SEMA4D: variants seen among roughly 807,000 people sequenced by gnomAD.
SEMA4D encodes semaphorin-4D.
Under a neutral mutation model 74.8 loss-of-function variants are expected in SEMA4D, and 22 were observed. The ratio of observed to expected loss-of-function variants is 0.29; its 90% CI spans 0.21 to 0.42. The LOEUF is 0.42. Among genes scored for constraint, SEMA4D ranks in the 10% least tolerant of loss-of-function variants. The pLI is 1.00. For synonymous variants in SEMA4D, 445 were observed against 463.7 expected, an observed-to-expected ratio of 0.96 and a Z score of 0.52; for missense variants, 937 against 1,118.4, an observed-to-expected ratio of 0.84 and a Z score of 2.31.
intron 2 of SEMA4D, among the ~76,000 whole-genome samples, chr9:89,434,376 G>A (rs1047106140): frequency 8.5e-5 from 13 of 152,188 alleles, no homozygotes; most frequent in African/African-American, 1.9e-4. Context: ...TTGTCAAAAC[G>A]GTATGCAGGC....
In SEMA4D at chr9:89,405,587, C is replaced by T. The variant is rs1422083761; in HGVS notation, c.-131G>A. On this transcript the variant is annotated 5_prime_UTR_variant, in exon 3 of 16. Transcript: ENST00000422704. ...AGCAGCACAGCCTGGAGCTCGTGAA[C>T]AGCGCGGTCCCTGAGAATCCACATT... 4 of 1,464,790 alleles carry T rather than the reference C, an allele frequency of 2.7e-6. No homozygotes were observed. The African/African-American group carries it at 4.2e-5, about 16-fold the overall frequency. The allele number at this position is 1,464,790 out of a possible 1,614,324, so 90.7% of individuals were successfully genotyped here.
At position 89,387,239 on chromosome 9, in the gene SEMA4D, ATCT is replaced by A. The variant is rs1258374488; in HGVS notation, c.1330+144_1330+146del. 24 of 644,094 alleles carry A rather than the reference ATCT, an allele frequency of 3.7e-5. No individual in the cohort carries two copies. The East Asian group carries it at 6.5e-4, about 17-fold the overall frequency. 39.9% of individuals were successfully genotyped at this position (644,094 alleles called of 1,614,324 possible). On this transcript the variant is annotated intron_variant, in intron 12 of 15. Coordinates refer to ENST00000422704, the MANE Select transcript of SEMA4D (RefSeq NM_001371194.2). ...CACCTGGTGTGGTGACTTCTCAGAA[ATCT>A]TCTTACGCTCCCACAAACCTCCCAG...
chr9:89,423,795 C>T (rs557676298), intron 2 of SEMA4D, among the ~76,000 whole-genome samples: 2 of 133,880 alleles, frequency 1.5e-5, no homozygotes, highest in East Asian at 4.2e-4. Flanking sequence ...CAGTGCCTCC[C>T]CTCCCTCCAC....
At position 89,378,450 on chromosome 9, in the gene SEMA4D, T is replaced by C; in HGVS notation, c.*254A>G. On this transcript the variant is annotated 3_prime_UTR_variant, in exon 16 of 16. Transcript: ENST00000422704. ...GGAACTCCGTGCCGCCCGTGGGCCT[T>C]CTTCAAGTACTCCGACTGACTTCGG... 2.1e-6 allele frequency: 1 copy of C among 465,442 alleles called. No homozygotes were observed. Among genetic ancestry groups the C allele is most frequent in the Non-Finnish European group, 3.9e-6 (1 of 258,752 alleles). The allele number at this position is 465,442 out of a possible 1,614,324, so 28.8% of individuals were successfully genotyped here.
chr9:89,471,014 G>T (rs1372875448), intron 1 of SEMA4D, among the ~76,000 whole-genome samples: 1 of 152,312 alleles, frequency 6.6e-6, no homozygotes, highest in East Asian at 1.9e-4. Context: ...AATGCACACT[G>T]AGATAATCAT....
rs746296838 is a variant in SEMA4D, at chr9:89,363,973, CCT to C, written c.1883-25_1883-24del. ...GACCTGGGGACACAGACCGTTTCCA[CCT>C]CTGAGTCCACATTTAGGACCCAAAG... On this transcript the variant is annotated intron_variant, in intron 16 of 18. Coordinates refer to the SEMA4D transcript ENST00000339861. 30 of 1,614,012 alleles carry C rather than the reference CCT, an allele frequency of 1.9e-5. No homozygotes were observed. In the African/African-American group the frequency reaches 3.9e-4, roughly 21 times the overall value.
At chr9:89,435,292 T>A (rs1343761578) in intron 2 of SEMA4D, among the ~76,000 whole-genome samples, 2 of 152,248 alleles carry the variant, frequency 1.3e-5, no homozygotes, top group African/African-American at 4.8e-5. Flanking sequence ...GTACATTCCA[T>A]GGGAATCTTG....
intron 1 of SEMA4D, among the ~76,000 whole-genome samples, chr9:89,477,912 G>A (rs952368932): frequency 7.2e-5 from 11 of 152,084 alleles, no homozygotes; most frequent in Admixed American, 1.3e-4. Flanking sequence ...AGAAAAACTC[G>A]CATAAAAAAG....
rs1429509213 is a variant in SEMA4D at position 89,459,956 on chromosome 9, C to A, written c.-309-4003G>T. On this transcript the variant is annotated intron_variant, in intron 1 of 15. Transcript: ENST00000422704. The stretch of plus-strand genomic sequence containing the variant: ...AGAAAACAGCAGGAGGTAAGAAATC[C>A]CCTGCCCTCTGCGTTCCAGAAACAA... 2.0e-5 allele frequency among the ~76,000 whole-genome samples: 3 copies of A among 152,140 alleles called. No individual in the cohort carries two copies. In the East Asian group the frequency reaches 5.8e-4, roughly 29 times the overall value.
At chr9:89,441,319 C>T (rs1179226133) in intron 2 of SEMA4D, among the ~76,000 whole-genome samples, 4 of 152,258 alleles carry the variant, frequency 2.6e-5, no homozygotes, top group Admixed American at 2.0e-4. Flanking sequence ...TCCACAGCTT[C>T]GCGTGGTGGA....
intron 12 of SEMA4D, among the ~76,000 whole-genome samples, chr9:89,386,988 G>A (rs1354168774): frequency 6.6e-6 from 1 of 152,238 alleles, no homozygotes; most frequent in Non-Finnish European, 1.5e-5. Context: ...TCTAAAACCT[G>A]GCTCCTCGGC....
intron 6 of SEMA4D, among the ~76,000 whole-genome samples, chr9:89,395,754 G>T (rs144840625): frequency 6.6e-6 from 1 of 152,234 alleles, no homozygotes; most frequent in African/African-American, 2.4e-5. Flanking sequence ...CACCCCAGAC[G>T]TCTGTGTGCA....
chr9:89,369,253 C>G (rs1035682603), intron 16 of SEMA4D: 20 of 152,236 alleles, frequency 1.3e-4, no homozygotes, highest in African/African-American at 4.8e-4. Context: ...CTCTCCAGAG[C>G]CCTGGGCCCC....
rs548010576 is a variant in SEMA4D, at chr9:89,420,036, G to A, written c.-243-14337C>T. Among the ~76,000 whole-genome samples, 9 of 152,270 alleles carry A rather than the reference G, an allele frequency of 5.9e-5. No homozygotes were observed. The South Asian group carries it at 8.3e-4, about 14-fold the overall frequency. On this transcript the variant is annotated intron_variant, in intron 2 of 15. Transcript: ENST00000422704. Reference sequence around the variant, plus strand: ...GGTTTAAGACACGTATCATATTCACGGTAATTTTGTGGCATCCAACAACAA... The same window carrying A: ...GGTTTAAGACACGTATCATATTCACAGTAATTTTGTGGCATCCAACAACAA...
In SEMA4D at chr9:89,379,520, A is replaced by G; in HGVS notation, c.1773T>C (p.Asn591=). The change falls in exon 16 of 16, where the codon AAT becomes AAC. Residue 591 remains asparagine, a synonymous_variant. Coordinates refer to ENST00000422704, the MANE Select transcript of SEMA4D (RefSeq NM_001371194.2). ...TGGGGCTCTCGGCCTTCAACACGCC[A>G]TTCTGGAACTTCCAAAAGACCCGGG... ...NLARVFWKFQ[N]GVLKAESPKY... is the part of the protein sequence containing the mutation. 6.2e-7 allele frequency: 1 copy of G among 1,614,178 alleles called. No individual in the cohort carries two copies. Among genetic ancestry groups the G allele is most frequent in the East Asian group, 2.2e-5 (1 of 44,886 alleles).
At chr9:89,453,855 GTCT>G (rs1210764882) in intron 2 of SEMA4D, among the ~76,000 whole-genome samples, 5 of 130,488 alleles carry the variant, frequency 3.8e-5, no homozygotes, top group African/African-American at 2.7e-5. Flanking sequence ...TAGAATATAT[GTCT>G]TTTTTTTTTT....
chr9:89,464,435 C>T (rs76051934), intron 1 of SEMA4D, among the ~76,000 whole-genome samples: 446 of 151,986 alleles, frequency 2.9e-3, no homozygotes, highest in African/African-American at 0.01. Context: ...AGCAGCAGGG[C>T]GCAGCCAGGC....
rs544001551 is a variant in SEMA4D at position 89,378,591 on chromosome 9, G to A, written c.*113C>T. On this transcript the variant is annotated 3_prime_UTR_variant, in exon 16 of 16. Transcript: ENST00000422704. ...AGGACTGAGGTTGTCTGCACGATGCGGGCTAACCTACGCAGCACTGCACGA... is the reference window on the plus strand; with the variant it reads ...AGGACTGAGGTTGTCTGCACGATGCAGGCTAACCTACGCAGCACTGCACGA... 9 of 733,592 alleles carry A rather than the reference G, an allele frequency of 1.2e-5. No homozygotes were observed. Among genetic ancestry groups the A allele is most frequent in the South Asian group, 3.5e-5 (2 of 57,436 alleles). The allele number at this position is 733,592 out of a possible 1,614,324, so 45.4% of individuals were successfully genotyped here.
chr9:89,404,273 C>T (rs1178124794), intron 3 of SEMA4D, among the ~76,000 whole-genome samples: 19 of 152,230 alleles, frequency 1.2e-4, no homozygotes, highest in Admixed American at 1.2e-3. Context: ...CTGGAGCAGA[C>T]GCTCAGTGGG....
Sources: gnomAD v4.1 joint callset for allele counts (sites outside exome capture counted in the v4.1 genomes callset) on GRCh38, gnomAD v4.1.1 for gene constraint, MANE v1.5 for transcripts, NCBI Gene and HGNC (gene_info 2026-07-23, HGNC 2026-07-21) for gene names.